ZNF718: variants seen among roughly 807,000 people sequenced by gnomAD.
The protein encoded by ZNF718 is zinc finger protein 718.
Under a neutral mutation model 2.6 loss-of-function variants are expected in ZNF718, and 3 were observed. That is an observed-to-expected ratio of 1.16 (90% CI 0.53 to 3.01). ZNF718 has a LOEUF of 3.01. Among genes scored for constraint, ZNF718 ranks in the 30% most tolerant of loss-of-function variants. The pLI is 0.03. For missense variants in ZNF718, 468 were observed against 230.0 expected, an observed-to-expected ratio of 2.03 and a Z score of -6.69; for synonymous variants, 135 against 77.9, an observed-to-expected ratio of 1.73 and a Z score of -3.86.
At chr4:174,675 C>G (rs1717313073) in intron 3 of ZNF718, among the ~76,000 whole-genome samples, 1 of 152,196 alleles carries the variant, frequency 6.6e-6, no homozygotes, top group Non-Finnish European at 1.5e-5. Flanking sequence ...GCTATAACTA[C>G]CTTCTGATCT....
intron 1 of ZNF718, among the ~76,000 whole-genome samples, chr4:125,511 A>C (rs150367728): frequency 0.018 from 2,704 of 152,206 alleles, 50 homozygotes; most frequent in African/African-American, 0.044. Flanking sequence ...TGGAGCATTG[A>C]CTGGTGTTGA....
intron 3 of ZNF718, among the ~76,000 whole-genome samples, chr4:173,810 G>T (rs539251431): frequency 4.6e-5 from 7 of 152,134 alleles, no homozygotes; most frequent in Non-Finnish European, 8.8e-5. Context: ...TTGGCTGAGC[G>T]AGGGATGAAA....
intron 3 of ZNF718, among the ~76,000 whole-genome samples, chr4:199,078 T>C (rs1340240570): frequency 1.3e-5 from 2 of 152,198 alleles, no homozygotes; most frequent in African/African-American, 4.8e-5. Flanking sequence ...AAATTATGTG[T>C]GTGAGCTCTG....
chr4:136,751 T>TA (rs1452688055), intron 3 of ZNF718, among the ~76,000 whole-genome samples: 2 of 152,262 alleles, frequency 1.3e-5, no homozygotes, highest in Admixed American at 1.3e-4. Flanking sequence ...GATTTATCCT[T>TA]ATTGTAGCAT....
At chr4:197,031 C>T (rs534592565) in intron 3 of ZNF718, among the ~76,000 whole-genome samples, 156 of 149,378 alleles carry the variant, frequency 1.0e-3, no homozygotes, top group Admixed American at 9.2e-4. Flanking sequence ...GGGAGTGGCC[C>T]GCCACATCTT....
chr4:151,997 C>T (rs1450809718), intron 3 of ZNF718, among the ~76,000 whole-genome samples: 2 of 148,644 alleles, frequency 1.3e-5, no homozygotes, highest in Non-Finnish European at 3.0e-5. Context: ...AGCAGACAAA[C>T]ACGTGAACAA....
intron 1 of ZNF718, among the ~76,000 whole-genome samples, chr4:129,333 T>C (rs1715300271): frequency 9.6e-6 from 1 of 103,654 alleles, no homozygotes. Context: ...AAACTGAAAA[T>C]ACTTACGGGC....
chr4:144,208 A>G (rs1367300268), intron 3 of ZNF718, among the ~76,000 whole-genome samples: 1 of 152,164 alleles, frequency 6.6e-6, no homozygotes, highest in African/African-American at 2.4e-5. Context: ...GTGTACTTTC[A>G]TTTTTAGTAA....
intron 3 of ZNF718, among the ~76,000 whole-genome samples, chr4:197,629 G>T (rs1553822234): frequency 6.6e-6 from 1 of 152,148 alleles, no homozygotes; most frequent in African/African-American, 2.4e-5. Context: ...CAGCTACAGA[G>T]CCTCACTTTC....
In ZNF718 at chr4:161,667, A is replaced by G. The variant is rs782557970; in HGVS notation, c.982A>G (p.Lys328Glu). ...CTTTACCACATCCTCAGACTTTGCT[A>G]AACATAAGAGAATTCATACAGGAGA... ...NVFTTSSDFAKHKRIHTGEKP... is the reference protein window; with the variant it reads ...NVFTTSSDFAEHKRIHTGEKP... The change falls in exon 4 of 4, where the codon AAA becomes GAA. Residue 328 changes from lysine (K) to glutamate (E), a missense_variant. Lys to Glu is a moderately conservative substitution (Grantham distance 56, BLOSUM62 1). Transcript: ENST00000510175. 4.0e-5 allele frequency: 31 copies of G among 779,456 alleles called. No individual in the cohort carries two copies. Among genetic ancestry groups the G allele is most frequent in the Non-Finnish European group, 6.5e-5 (27 of 417,294 alleles). The allele number at this position is 779,456 out of a possible 1,614,324, so 48.3% of individuals were successfully genotyped here. A position where few individuals can be genotyped will look rare whatever the true frequency, so the allele number is the denominator to read the frequency against.
chr4:146,094 T>C (rs1553811252), intron 3 of ZNF718, among the ~76,000 whole-genome samples: 1 of 149,972 alleles, frequency 6.7e-6, no homozygotes, highest in Admixed American at 6.6e-5. Context: ...TATATATATA[T>C]ATATATGTTT....
At chr4:138,416 C>A (rs1715667886) in intron 3 of ZNF718, among the ~76,000 whole-genome samples, 1 of 152,138 alleles carries the variant, frequency 6.6e-6, no homozygotes, top group African/African-American at 2.4e-5. Context: ...TTTTTCTTAA[C>A]ATAATGACCT....
chr4:144,257 A>G (rs911313889), intron 3 of ZNF718, among the ~76,000 whole-genome samples: 3 of 152,150 alleles, frequency 2.0e-5, no homozygotes, highest in Non-Finnish European at 2.9e-5. Context: ...ATTTTGTCCA[A>G]TTCTTTGTTC....
At chr4:186,101 A>C (rs1717561742) in intron 3 of ZNF718, among the ~76,000 whole-genome samples, 1 of 151,932 alleles carries the variant, frequency 6.6e-6, no homozygotes, top group Non-Finnish European at 1.5e-5. Context: ...ACTGGCTGAC[A>C]CTATGAAGTG....
At chr4:188,289 T>G (rs1717609974) in intron 3 of ZNF718, among the ~76,000 whole-genome samples, 1 of 152,168 alleles carries the variant, frequency 6.6e-6, no homozygotes, top group African/African-American at 2.4e-5. Context: ...CATATCTTGG[T>G]AAAACAGCTG....
At chr4:148,096 C>T (rs782512717) in intron 3 of ZNF718, among the ~76,000 whole-genome samples, 7 of 152,158 alleles carry the variant, frequency 4.6e-5, no homozygotes, top group Non-Finnish European at 1.0e-4. Context: ...TCTGGGTTCA[C>T]GGCATTTATG....
At chr4:190,429 C>CAAA (rs368848803) in intron 3 of ZNF718, among the ~76,000 whole-genome samples, 1 of 49,136 alleles carries the variant, frequency 2.0e-5, no homozygotes, top group Non-Finnish European at 4.4e-5. Context: ...AACTCCATCT[C>CAAA]AAAAAAAAAA....
chr4:168,277 T>TTGA (rs1553817297), downstream of ZNF718, among the ~76,000 whole-genome samples: 2 of 152,220 alleles, frequency 1.3e-5, no homozygotes, highest in African/African-American at 4.8e-5. Flanking sequence ...GATTTTCACA[T>TTGA]TGATGTTCAT....
Position 161,669 on chromosome 4 carries a change from A to G in ZNF718, c.984A>G (p.Lys328=), listed in dbSNP as rs782745999. 12 of 779,478 alleles carry G rather than the reference A, an allele frequency of 1.5e-5. No homozygotes were observed. Among genetic ancestry groups the G allele is most frequent in the Non-Finnish European group, 2.9e-5 (12 of 417,250 alleles). The allele number at this position is 779,478 out of a possible 1,614,324, so 48.3% of individuals were successfully genotyped here. A position where few individuals can be genotyped will look rare whatever the true frequency, so the allele number is the denominator to read the frequency against. The change falls in exon 4 of 4, where the codon AAA becomes AAG. Residue 328 remains lysine (K), a synonymous_variant. Coordinates refer to ENST00000510175, the MANE Select transcript of ZNF718 (RefSeq NM_001039127.6). The part of the protein sequence containing the change: ...NVFTTSSDFA[K]HKRIHTGEKP... Reference sequence around the variant, plus strand: ...TTACCACATCCTCAGACTTTGCTAAACATAAGAGAATTCATACAGGAGAGA... The same window carrying G: ...TTACCACATCCTCAGACTTTGCTAAGCATAAGAGAATTCATACAGGAGAGA...
Sources: allele counts gnomAD v4.1 joint callset (sites outside exome capture counted in the v4.1 genomes callset), GRCh38; gene constraint gnomAD v4.1.1; transcripts MANE v1.5; gene names NCBI Gene and HGNC (gene_info 2026-07-23, HGNC 2026-07-21).